MAPK14: variants seen among roughly 807,000 people sequenced by gnomAD.
MAPK14 encodes the protein CSAID-binding protein.
In MAPK14, 16 loss-of-function variants were observed where a neutral mutation model predicts 49.6. That is an observed-to-expected ratio of 0.32 (90% CI 0.22 to 0.49). The LOEUF is 0.49. Ranked by LOEUF, MAPK14 falls within the 20% of genes least tolerant of loss-of-function variation. The pLI, the probability that MAPK14 is intolerant of heterozygous loss-of-function variation, is 0.99. For synonymous variants in MAPK14, 142 were observed against 158.0 expected (o/e 0.90, Z 0.76); for missense variants, 200 against 441.2 (o/e 0.45, Z 4.90).
At chr6:36,083,999 C>T (rs969518571) in intron 8 of MAPK14, among the ~76,000 whole-genome samples, 2 of 152,304 alleles carry the variant, frequency 1.3e-5, no homozygotes, top group South Asian at 4.1e-4. Flanking sequence ...AAGGAACAGG[C>T]AGCCATCTTT....
At chr6:36,115,752 A>T (rs951990478), downstream of MAPK14, among the ~76,000 whole-genome samples, 1 of 152,116 alleles carries the variant, frequency 6.6e-6, no homozygotes, top group Non-Finnish European at 1.5e-5. Context: ...CTCTACTAAA[A>T]ATACGAAATT....
intron 9 of MAPK14, chr6:36,100,350 TAAC>T (rs1334661499): frequency 1.7e-5 from 17 of 999,600 alleles, no homozygotes; most frequent in African/African-American, 4.8e-5. Context: ...CAACAGTTCT[TAAC>T]ATCACTGGAT....
intron 8 of MAPK14, among the ~76,000 whole-genome samples, chr6:36,079,544 A>C (rs1490647059): frequency 6.6e-6 from 1 of 152,196 alleles, no homozygotes; most frequent in Admixed American, 6.5e-5. Flanking sequence ...GAAAGTTTAC[A>C]AATTTGTGAT....
chr6:36,067,802 T>C (rs1764119369), intron 3 of MAPK14, among the ~76,000 whole-genome samples: 1 of 152,172 alleles, frequency 6.6e-6, no homozygotes, highest in Non-Finnish European at 1.5e-5. Flanking sequence ...TTGTCTTATC[T>C]TACTAGTAGT....
At chr6:36,051,104 T>C (rs1181794951) in intron 1 of MAPK14, among the ~76,000 whole-genome samples, 2 of 150,960 alleles carry the variant, frequency 1.3e-5, no homozygotes, top group African/African-American at 4.9e-5. Context: ...GCCCAGACAA[T>C]TTCTGTTATT....
intron 1 of MAPK14, among the ~76,000 whole-genome samples, chr6:36,047,032 A>G (rs923391408): frequency 1.3e-5 from 2 of 152,224 alleles, no homozygotes; most frequent in African/African-American, 4.8e-5. Context: ...TTCCAGTCTC[A>G]CCAGAGCTAG....
chr6:36,116,268 T>G, the MAPK14 span, among the ~76,000 whole-genome samples: 1 of 152,200 alleles, frequency 6.6e-6, no homozygotes, highest in Admixed American at 6.5e-5. Context: ...CATGGCTGAC[T>G]GCTGTCAGTC....
chr6:36,039,022 T>C (rs571138145), intron 1 of MAPK14, among the ~76,000 whole-genome samples: 1 of 152,328 alleles, frequency 6.6e-6, no homozygotes, highest in East Asian at 1.9e-4. Context: ...ATAATACTTT[T>C]AGTAGAGGTT....
At chr6:36,064,805 C>T (rs1409284331) in intron 3 of MAPK14, among the ~76,000 whole-genome samples, 4 of 152,190 alleles carry the variant, frequency 2.6e-5, no homozygotes, top group Non-Finnish European at 4.4e-5. Flanking sequence ...AGAGCTGAGG[C>T]TGTTAATGGG....
chr6:36,119,147 C>T, the MAPK14 span, among the ~76,000 whole-genome samples: 1 of 152,184 alleles, frequency 6.6e-6, no homozygotes, highest in African/African-American at 2.4e-5. Flanking sequence ...TTTTAAAACT[C>T]ATTATTATTC....
chr6:36,122,847 A>G, the MAPK14 span, among the ~76,000 whole-genome samples: 2 of 152,134 alleles, frequency 1.3e-5, no homozygotes, highest in African/African-American at 4.8e-5. Context: ...TGTAGCTACA[A>G]ATGGAGGCAC....
chr6:36,092,545 A>C (rs1474545458), intron 8 of MAPK14: 9 of 498,042 alleles, frequency 1.8e-5, no homozygotes, highest in Non-Finnish European at 3.5e-5. Flanking sequence ...GGAGCCATGT[A>C]TGTTGTTTTT....
chr6:36,080,134 C>G (rs954271159), intron 8 of MAPK14, among the ~76,000 whole-genome samples: 1 of 152,046 alleles, frequency 6.6e-6, no homozygotes, highest in Non-Finnish European at 1.5e-5. Context: ...GACAGGGTTT[C>G]ACCATGTTAG....
chr6:36,034,943 G>A, intron 1 of MAPK14, among the ~76,000 whole-genome samples: 1 of 139,430 alleles, frequency 7.2e-6, no homozygotes, highest in African/African-American at 2.8e-5. Flanking sequence ...CTGTCGCCCA[G>A]ACTGGAGTGC....
chr6:36,102,894 G>T (rs3752525), intron 10 of MAPK14: 82,020 of 186,598 alleles, frequency 0.44, 19,952 homozygotes, highest in South Asian at 0.62. Context: ...AGTGGAGAAA[G>T]GAGAGAAAGT....
chr6:36,092,529 C>T (rs1765278034), intron 8 of MAPK14: 8 of 511,662 alleles, frequency 1.6e-5, no homozygotes, highest in Middle Eastern at 4.8e-4. Flanking sequence ...TCCAGTTTTA[C>T]CAATAGGAGC....
intron 1 of MAPK14, among the ~76,000 whole-genome samples, chr6:36,029,797 G>A (rs558383336): frequency 6.6e-6 from 1 of 152,066 alleles, no homozygotes; most frequent in South Asian, 2.1e-4. Flanking sequence ...TTACAGCATG[G>A]CAGTTTACAT....
the MAPK14 span, among the ~76,000 whole-genome samples, chr6:36,119,097 C>T: frequency 6.6e-6 from 1 of 152,154 alleles, no homozygotes; most frequent in Non-Finnish European, 1.5e-5. Flanking sequence ...GACAGATTGG[C>T]ATAACTCCAA....
the MAPK14 span, among the ~76,000 whole-genome samples, chr6:36,119,998 G>A: frequency 2.6e-5 from 4 of 152,170 alleles, no homozygotes; most frequent in African/African-American, 9.7e-5. Context: ...GAGGGAGAGA[G>A]GGCATGGAAT....
Sources: allele counts gnomAD v4.1 joint callset (sites outside exome capture counted in the v4.1 genomes callset), GRCh38; gene constraint gnomAD v4.1.1; transcripts MANE v1.5; gene names NCBI Gene and HGNC (gene_info 2026-07-23, HGNC 2026-07-21).